TET2: variants seen among roughly 807,000 people sequenced by gnomAD.
TET2 encodes methylcytosine dioxygenase TET2.
A neutral mutation model predicts 142.9 loss-of-function variants in TET2; 299 were observed. The ratio of observed to expected loss-of-function variants is 2.09; its 90% CI spans 1.90 to 2.30. TET2 has a LOEUF of 2.30. TET2 is among the 30% of genes most tolerant of loss of function. TET2 has a pLI of 0.00. For synonymous variants in TET2, 819 were observed against 849.0 expected (o/e 0.96, Z 0.61); for missense variants, 2,418 against 2,378.0 (o/e 1.02, Z -0.35).
intron 1 of TET2, among the ~76,000 whole-genome samples, chr4:105,173,606 T>C (rs1311417254): frequency 2.0e-5 from 3 of 151,980 alleles, no homozygotes; most frequent in Admixed American, 2.0e-4. Flanking sequence ...ATAAAGGAAA[T>C]AAAGAAATTC....
intron 2 of TET2, among the ~76,000 whole-genome samples, chr4:105,199,456 A>G (rs572435268): frequency 6.6e-6 from 1 of 152,304 alleles, no homozygotes; most frequent in East Asian, 1.9e-4. Context: ...CTTACAATTT[A>G]TTAATTTCCA....
intron 4 of TET2, chr4:105,242,110 T>C (rs1729337067): frequency 2.5e-6 from 3 of 1,186,000 alleles, no homozygotes; most frequent in Admixed American, 9.2e-5. Context: ...TAGGCAGTAT[T>C]ATTATTAAAG....
rs1259025314 is a variant in TET2, at chr4:105,277,702, A to G, written c.*1183A>G. The G allele has an allele frequency of 1.8e-5, 4 of 228,540 alleles. No homozygotes were observed. Among genetic ancestry groups the G allele is most frequent in the African/African-American group, 8.9e-5 (4 of 45,122 alleles). 14.2% of individuals were successfully genotyped at this position (228,540 alleles called of 1,614,324 possible). On this transcript the variant is annotated 3_prime_UTR_variant, in exon 11 of 11. Transcript: ENST00000380013. Reference sequence around the variant, plus strand: ...CATCTCACATGCTATACTGTAAAACAGTTTTATACAAAATTGTATGACAAG... The same window carrying G: ...CATCTCACATGCTATACTGTAAAACGGTTTTATACAAAATTGTATGACAAG...
chr4:105,271,603 A>G (rs1369649345), intron 9 of TET2, among the ~76,000 whole-genome samples: 1 of 152,232 alleles, frequency 6.6e-6, no homozygotes, highest in Non-Finnish European at 1.5e-5. Flanking sequence ...AGGCTCATTA[A>G]TACCATCTCA....
Position 105,261,773 on chromosome 4 carries a change from G to A in TET2, c.3969G>A (p.Glu1323=), listed in dbSNP as rs756531280. ...ACTTTATACAGGAAGAGAAACTGGA[G>A]TCTCATTTGCAAAACCTGTCCACTC... The part of the protein sequence containing the change: ...GDDPKEEEKL[E]SHLQNLSTLM... Residue 1323 remains glutamate (E), a synonymous_variant, in exon 8 of 11, where the codon GAG becomes GAA. Transcript: ENST00000380013. The A allele has an allele frequency of 1.1e-5, 17 of 1,546,712 alleles. No individual in the cohort carries two copies. In the South Asian group the frequency reaches 2.0e-4, roughly 18 times the overall value.
intron 2 of TET2, among the ~76,000 whole-genome samples, chr4:105,205,961 G>C (rs1451912950): frequency 6.6e-6 from 1 of 152,144 alleles, no homozygotes; most frequent in African/African-American, 2.4e-5. Context: ...GGAGCATTTA[G>C]AACGTTATCA....
At chr4:105,242,217 A>G in intron 4 of TET2, 1 of 1,097,110 alleles carries the variant, frequency 9.1e-7, no homozygotes, top group Non-Finnish European at 1.1e-6. Flanking sequence ...GAAGTTCACT[A>G]AATAATCATC....
chr4:105,275,925 C>CCT lies in TET2; in HGVS notation c.5416_5417insTC (p.His1806LeufsTer15). ...TATCAAAGATGCTTCCAGCTCTTAA[C>CCT]CATGATAGAACTGCTTGTGTCCAAG... On this transcript the variant is annotated frameshift_variant, in exon 11 of 11. Coordinates refer to ENST00000380013, the MANE Select transcript of TET2 (RefSeq NM_001127208.3). LOFTEE classifies it low-confidence loss of function (END_TRUNC). 1 of 1,552,008 alleles carries CCT rather than the reference C, an allele frequency of 6.4e-7. No individual in the cohort carries two copies. Among genetic ancestry groups the CCT allele is most frequent in the Non-Finnish European group, 8.7e-7 (1 of 1,147,036 alleles).
chr4:105,230,055 T>TA (rs1560537478), intron 2 of TET2, among the ~76,000 whole-genome samples: 105 of 151,932 alleles, frequency 6.9e-4, no homozygotes, highest in African/African-American at 2.4e-3. Flanking sequence ...ATATATATAT[T>TA]TTTTGAGACA....
rs763343449 is a variant in TET2 at position 105,236,988 on chromosome 4, T to C, written c.3046T>C (p.Cys1016Arg). ...VTKQENPPAS[C>R]DNVQQKSIIE... ...TAAGCAAGAGAATCCACCTGCAAGC[T>C]GTGATAATGTGCAGCAAAAGAGCAT... The change falls in exon 3 of 11, where the codon TGT becomes CGT. Residue 1016 changes from cysteine (C) to arginine (R), a missense_variant. Physicochemically the swap from Cys to Arg is radical, Grantham distance 180. Transcript: ENST00000380013. 12 of 1,613,968 alleles carry C rather than the reference T, an allele frequency of 7.4e-6. No homozygotes were observed. In the African/African-American group the frequency reaches 1.1e-4, roughly 14 times the overall value.
At chr4:105,247,714 C>CTTTTTTTTTTTTTTTTTTTT (rs1206510081) in intron 6 of TET2, among the ~76,000 whole-genome samples, 1 of 65,316 alleles carries the variant, frequency 1.5e-5, no homozygotes, top group African/African-American at 6.2e-5. Flanking sequence ...TTTTTCTTTT[C>CTTTTTTTTTTTTTTTTTTTT]TTTTTTTTTT....
intron 2 of TET2, among the ~76,000 whole-genome samples, chr4:105,223,392 G>A (rs1056521222): frequency 1.6e-4 from 25 of 151,882 alleles, no homozygotes; most frequent in African/African-American, 4.6e-4. Flanking sequence ...TTAAATTAAC[G>A]AAGAATAGTT....
Position 105,236,264 on chromosome 4 carries a change from A to G in TET2, c.2322A>G (p.Ser774=), listed in dbSNP as rs764042701. The G allele has an allele frequency of 6.2e-7, 1 of 1,614,154 alleles. No individual in the cohort carries two copies. Among genetic ancestry groups the G allele is most frequent in the Non-Finnish European group, 8.5e-7 (1 of 1,180,022 alleles). The change falls in exon 3 of 11, where the codon TCA becomes TCG. Residue 774 remains serine, a synonymous_variant. Transcript: ENST00000380013. ...QSNNDQQREG[S]FFGQTKVEEC... ...ACAATGATCAGCAAAGAGAAGGATCATTCTTTGGCCAGACTAAAGTGGAAG... is the reference window on the plus strand; with the variant it reads ...ACAATGATCAGCAAAGAGAAGGATCGTTCTTTGGCCAGACTAAAGTGGAAG...
In TET2 at chr4:105,153,888, T is replaced by TA. The variant is rs370866570; in HGVS notation, c.-193+6915dup. ...TTCATTACAGCATTATTAATAATGG[T>TA]AAAAAATGGAAACAACCCAGATGTC... On this transcript the variant is annotated intron_variant, in intron 1 of 10. Coordinates refer to ENST00000380013, the MANE Select transcript of TET2 (RefSeq NM_001127208.3). Among the ~76,000 whole-genome samples the TA allele has an allele frequency of 2.1e-3, 323 of 152,280 alleles. 4 individuals are homozygous for TA. The highest frequency in any genetic ancestry group is 7.7e-3 in the African/African-American group (318 of 41,542).
intron 6 of TET2, among the ~76,000 whole-genome samples, chr4:105,256,234 G>A (rs1011543801): frequency 2.0e-5 from 3 of 152,206 alleles, no homozygotes; most frequent in Non-Finnish European, 2.9e-5. Context: ...AGGTGTATTT[G>A]AGGTACTGTC....
chr4:105,161,763 A>C (rs1299896663), intron 1 of TET2, among the ~76,000 whole-genome samples: 1 of 152,240 alleles, frequency 6.6e-6, no homozygotes, highest in Non-Finnish European at 1.5e-5. Flanking sequence ...TGCAATAAAC[A>C]TTGACTTATT....
intron 6 of TET2, among the ~76,000 whole-genome samples, chr4:105,255,157 T>C (rs1321128655): frequency 1.3e-5 from 2 of 152,216 alleles, no homozygotes; most frequent in Non-Finnish European, 1.5e-5. Flanking sequence ...GTTTGTGTTT[T>C]TCTAGAAGTT....
intron 1 of TET2, among the ~76,000 whole-genome samples, chr4:105,164,861 A>G (rs1724070404): frequency 6.6e-6 from 1 of 152,206 alleles, no homozygotes. Context: ...TTATTGTTTC[A>G]ATCAAGATAT....
intron 2 of TET2, among the ~76,000 whole-genome samples, chr4:105,222,242 G>T: frequency 6.6e-6 from 1 of 152,218 alleles, no homozygotes; most frequent in Non-Finnish European, 1.5e-5. Flanking sequence ...TAATGGGATG[G>T]CTCAGTCAAA....
Sources: gnomAD v4.1 joint callset for allele counts (sites outside exome capture counted in the v4.1 genomes callset) on GRCh38, gnomAD v4.1.1 for gene constraint, MANE v1.5 for transcripts, NCBI Gene and HGNC (gene_info 2026-07-23, HGNC 2026-07-21) for gene names.